CPAMD8: variants seen among roughly 807,000 people sequenced by gnomAD.
The protein encoded by CPAMD8 is C3 and PZP-like alpha-2-macroglobulin domain-containing protein 8.
In CPAMD8, 146 loss-of-function variants were observed where a neutral mutation model predicts 224.7. The ratio of observed to expected loss-of-function variants is 0.65; its 90% CI spans 0.57 to 0.75. The LOEUF (loss-of-function observed/expected upper bound fraction) is 0.75. Among genes scored for constraint, CPAMD8 ranks in the 30% least tolerant of loss-of-function variants. The pLI, the probability that CPAMD8 is intolerant of heterozygous loss-of-function variation, is 0.00. For missense variants in CPAMD8, 2,301 were observed against 2,537.5 expected, an observed-to-expected ratio of 0.91 and a Z score of 2.00; for synonymous variants, 966 against 1,044.6, an observed-to-expected ratio of 0.92 and a Z score of 1.45.
intron 22 of CPAMD8, among the ~76,000 whole-genome samples, chr19:16,943,305 C>T (rs1319999044): frequency 1.3e-5 from 2 of 152,262 alleles, no homozygotes; most frequent in East Asian, 3.9e-4. Context: ...CGTGAGCCAC[C>T]GTGCCCGGCC....
At chr19:16,903,994 A>T in intron 32 of CPAMD8, 137 bp from the exon 33 acceptor site, 1 of 956,378 alleles carries the variant, frequency 1.0e-6, no homozygotes, top group Non-Finnish European at 1.5e-6. Context: ...GCAGACACCC[A>T]TGGCACTGGG....
rs933734638 is a variant in CPAMD8 at position 16,898,990 on chromosome 19, A to G, written c.4848+485T>C. 7.9e-5 allele frequency among the ~76,000 whole-genome samples: 12 copies of G among 151,682 alleles called. No individual in the cohort carries two copies. The highest frequency in any genetic ancestry group is 2.9e-4 in the African/African-American group (12 of 41,260). Reference sequence around the variant, plus strand: ...AGCTGGAGTGCAGTGGCACAATCTCAGGTCACCACAACCTCCGCCTCCCAG... The same window carrying G: ...AGCTGGAGTGCAGTGGCACAATCTCGGGTCACCACAACCTCCGCCTCCCAG... On this transcript the variant is annotated intron_variant, in intron 37 of 41. Coordinates refer to ENST00000443236, the MANE Select transcript of CPAMD8 (RefSeq NM_015692.5). This position sits in a 1 kb window ranked among gnomAD's most constrained non-coding sequence, Gnocchi z 4.2.
In CPAMD8 at chr19:16,940,848, C is replaced by T. The variant is rs144115612; in HGVS notation, c.2794-2402G>A. 2.7e-3 allele frequency among the ~76,000 whole-genome samples: 410 copies of T among 152,358 alleles called. 2 individuals are homozygous for T. Among genetic ancestry groups the T allele is most frequent in the African/African-American group, 9.6e-3 (399 of 41,592 alleles). On this transcript the variant is annotated intron_variant, in intron 22 of 41. Coordinates refer to ENST00000443236, the MANE Select transcript of CPAMD8 (RefSeq NM_015692.5). ...AGAAGCATTGCTTAGGCCTCAGTAA[C>T]CCCCCATCTACCTGCCTGGCCCCTT...
At chr19:17,005,706 C>T (rs1190754715) in intron 7 of CPAMD8, among the ~76,000 whole-genome samples, 1 of 152,164 alleles carries the variant, frequency 6.6e-6, no homozygotes, top group East Asian at 1.9e-4. Flanking sequence ...CCCTGGGTCT[C>T]ACGACAGAAC....
Position 17,002,322 on chromosome 19 carries a change from G to A in CPAMD8, c.702C>T (p.Asp234=), listed in dbSNP as rs761232871. 3.1e-6 allele frequency: 5 copies of A among 1,606,690 alleles called. No individual in the cohort carries two copies. In the South Asian group the frequency reaches 3.3e-5, roughly 11 times the overall value. Residue 234 remains aspartate (D), a synonymous_variant, in exon 9 of 42, where the codon GAC becomes GAT. Coordinates refer to ENST00000443236, the MANE Select transcript of CPAMD8 (RefSeq NM_015692.5). Reference sequence around the variant, plus strand: ...CCAGGTCTTGGATATACCGGGGCGGGTCAATCAGAAGCTCAAACTTGGGCA... The same window carrying A: ...CCAGGTCTTGGATATACCGGGGCGGATCAATCAGAAGCTCAAACTTGGGCA... ...YVLPKFELLI[D]PPRYIQDLDA...
chr19:16,903,819 G>A lies in CPAMD8; in HGVS notation c.4290C>T (p.Ala1430=), dbSNP rs773298243. The change falls in exon 33 of 42, where the codon GCC becomes GCT. Residue 1430 remains alanine (A), a synonymous_variant. Coordinates refer to ENST00000443236, the MANE Select transcript of CPAMD8 (RefSeq NM_015692.5). ...TGATGCCTCCAGCATAGGACAAGAT[G>A]GCATATTCAGCCAAGGCCTGCAGAG... ...CVALQALAEY[A]ILSYAGGINL... The A allele has an allele frequency of 2.5e-6, 4 of 1,613,976 alleles. No individual in the cohort carries two copies. Among genetic ancestry groups the A allele is most frequent in the East Asian group, 4.5e-5 (2 of 44,892 alleles).
At chr19:16,906,407 T>TTTCTTTCTTTCTCTCTTTCC (rs1196710399) in intron 30 of CPAMD8, among the ~76,000 whole-genome samples, 52 of 69,894 alleles carry the variant, frequency 7.4e-4, no homozygotes, top group African/African-American at 3.1e-3. Context: ...TCTTTCTTTC[T>TTTCTTTCTTTCTCTCTTTCC]TTCCTTCCTT....
intron 26 of CPAMD8, among the ~76,000 whole-genome samples, chr19:16,924,260 G>C (rs759582692): frequency 6.6e-6 from 1 of 151,660 alleles, no homozygotes; most frequent in Non-Finnish European, 1.5e-5. Flanking sequence ...AGTGGGTTTG[G>C]GGGGAAGATG....
chr19:16,997,052 G>T, intron 11 of CPAMD8, 59 bp downstream of exon 11: 1 of 1,036,922 alleles, frequency 9.6e-7, no homozygotes. Flanking sequence ...CTAGTGGCTA[G>T]TGGTGGTGGT....
intron 19 of CPAMD8, chr19:16,957,597 A>C: frequency 4.3e-6 from 2 of 464,024 alleles, no homozygotes; most frequent in Non-Finnish European, 7.7e-6. Context: ...AACAGAGCAG[A>C]TAGAGTAACC....
chr19:16,915,888 C>T (rs998441418), intron 27 of CPAMD8, among the ~76,000 whole-genome samples: 1 of 150,604 alleles, frequency 6.6e-6, no homozygotes, highest in Admixed American at 6.6e-5. Flanking sequence ...TCTTTTCTTT[C>T]TTTTTCTTTC....
intron 41 of CPAMD8, chr19:16,894,372 G>A (rs1337289525): frequency 2.2e-6 from 1 of 456,596 alleles, no homozygotes; most frequent in Admixed American, 2.3e-5. Context: ...GATAGGGACA[G>A]GATGCAGCCA....
chr19:16,992,257 C>T (rs979838235), intron 12 of CPAMD8, among the ~76,000 whole-genome samples: 1 of 152,084 alleles, frequency 6.6e-6, no homozygotes, highest in Admixed American at 6.6e-5. Flanking sequence ...CCCTGAACCA[C>T]CCCCAACTAA....
chr19:16,897,795 T>C lies in CPAMD8; in HGVS notation c.4961A>G (p.Glu1654Gly), dbSNP rs1412917076. The change falls in exon 39 of 42, where the codon GAG (glutamate) becomes GGG (glycine). Residue 1654 changes from glutamate to glycine, a missense_variant. Transcript: ENST00000443236. ...SVYDYYEPAFEATRFYNVSTH... is the reference protein window; with the variant it reads ...SVYDYYEPAFGATRFYNVSTH... ...GCTGACGTTGTAGAAGCGAGTGGCC[T>C]CGAAGGCTACGGGACGAGGGTGGCG... 1 of 1,584,138 alleles carries C rather than the reference T, an allele frequency of 6.3e-7. No individual in the cohort carries two copies. Among genetic ancestry groups the C allele is most frequent in the East Asian group, 2.3e-5 (1 of 44,040 alleles).
chr19:16,896,268 GGCCACAGAA>G lies in CPAMD8; in HGVS notation c.5325_5333del (p.Ser1776_Ala1778del). ...TCACGTCCTGCTGTAAAGGCCCCGG[GGCCACAGAA>G]GCCAGGTCATCCCCGTAGGTGGAGG... On this transcript the variant is annotated inframe_deletion, in exon 41 of 42. Coordinates refer to ENST00000443236, the MANE Select transcript of CPAMD8 (RefSeq NM_015692.5). 6.2e-7 allele frequency: 1 copy of G among 1,613,438 alleles called. No homozygotes were observed. Among genetic ancestry groups the G allele is most frequent in the Non-Finnish European group, 8.5e-7 (1 of 1,179,996 alleles).
intron 20 of CPAMD8, among the ~76,000 whole-genome samples, chr19:16,951,457 A>C (rs371911824): frequency 6.6e-6 from 1 of 152,340 alleles, no homozygotes; most frequent in East Asian, 1.9e-4. Context: ...TTATTGGAAC[A>C]CAGCCATATC....
intron 19 of CPAMD8, among the ~76,000 whole-genome samples, chr19:16,955,505 G>A (rs77364830): frequency 9.3e-4 from 141 of 152,200 alleles, no homozygotes; most frequent in African/African-American, 3.3e-3. Flanking sequence ...GTGTTTAATG[G>A]GACAGAGTGT....
At chr19:16,933,879 C>T (rs542450170) in intron 23 of CPAMD8, among the ~76,000 whole-genome samples, 38 of 152,138 alleles carry the variant, frequency 2.5e-4, no homozygotes, top group Non-Finnish European at 5.1e-4. Context: ...CCAGAAAAGA[C>T]ACAAATGATA....
At chr19:16,923,957 T>C (rs2053266365) in intron 26 of CPAMD8, among the ~76,000 whole-genome samples, 2 of 147,990 alleles carry the variant, frequency 1.4e-5, no homozygotes, top group South Asian at 2.1e-4. Flanking sequence ...CCCTAGCTCT[T>C]ACAAAAAAAA....
Sources: allele counts gnomAD v4.1 joint callset (sites outside exome capture counted in the v4.1 genomes callset), GRCh38; gene constraint gnomAD v4.1.1; non-coding constraint Gnocchi (gnomAD v3.1); transcripts MANE v1.5; gene names NCBI Gene and HGNC (gene_info 2026-07-23, HGNC 2026-07-21).